The following BRD4 variants were observed in gnomAD, a reference collection of about 807,000 sequenced individuals.
The protein encoded by BRD4 is bromodomain containing 4, also known as bromodomain-containing protein 4.
In BRD4, 16 loss-of-function variants were observed where a neutral mutation model predicts 142.1. The observed-to-expected ratio is 0.11, with a 90% confidence interval of 0.08 to 0.17. BRD4 has a LOEUF of 0.17. Ranked by LOEUF, BRD4 falls within the 10% of genes least tolerant of loss-of-function variation. BRD4 has a pLI of 1.00. For synonymous variants in BRD4, 833 were observed against 707.5 expected (o/e 1.18, Z -2.82); for missense variants, 1,424 against 1,810.9 (o/e 0.79, Z 3.88).
chr19:15,283,623 A>G (rs185937024), intron 1 of BRD4, among the ~76,000 whole-genome samples: 30 of 152,314 alleles, frequency 2.0e-4, no homozygotes, highest in Admixed American at 3.3e-4. Context: ...CTTAACACAC[A>G]GTCCTGTTAT....
chr19:15,265,928 A>AGGAAGCACATGCTGACAG (rs1232724593), intron 4 of BRD4, among the ~76,000 whole-genome samples: 1 of 152,188 alleles, frequency 6.6e-6, no homozygotes, highest in Non-Finnish European at 1.5e-5. Context: ...CTCAAGGAGC[A>AGGAAGCACATGCTGACAG]GGAAGCACAT....
At chr19:15,283,648 A>G (rs2047720770) in intron 1 of BRD4, among the ~76,000 whole-genome samples, 5 of 152,230 alleles carry the variant, frequency 3.3e-5, no homozygotes, top group African/African-American at 1.2e-4. Context: ...AAGTGGAAAC[A>G]ACACTGAACT....
chr19:15,317,009 C>G (rs768584202), intron 1 of BRD4, among the ~76,000 whole-genome samples: 9 of 152,208 alleles, frequency 5.9e-5, no homozygotes, highest in Non-Finnish European at 1.3e-4. Context: ...CTACCCTGTG[C>G]TCACTACGTA....
intron 7 of BRD4, among the ~76,000 whole-genome samples, chr19:15,257,567 G>A (rs866465790): frequency 1.3e-5 from 2 of 152,122 alleles, no homozygotes; most frequent in Non-Finnish European, 2.9e-5. Flanking sequence ...TGCGTGCGGG[G>A]GAGCAGGAGT....
chr19:15,303,957 GC>G (rs2047892677), intron 1 of BRD4, among the ~76,000 whole-genome samples: 1 of 152,126 alleles, frequency 6.6e-6, no homozygotes, highest in Non-Finnish European at 1.5e-5. Flanking sequence ...TTGGAGTGAT[GC>G]CCTCTGAGCC....
Position 15,323,178 on chromosome 19 carries a change from T to TAAAAAAAAAAA in BRD4, c.-35+9101_-35+9111dup, listed in dbSNP as rs1017018376. Among the ~76,000 whole-genome samples the TAAAAAAAAAAA allele has an allele frequency of 1.4e-3, 103 of 73,064 alleles. 10 individuals are homozygous for TAAAAAAAAAAA. Among genetic ancestry groups the TAAAAAAAAAAA allele is most frequent in the African/African-American group, 3.5e-3 (57 of 16,520 alleles). The allele number at this position is 73,064 out of a possible 152,430, so 47.9% of individuals were successfully genotyped here. On this transcript the variant is annotated intron_variant, in intron 1 of 19. Transcript: ENST00000679869. ...GCAACACAGCAAGACTCCATCTCTT[T>TAAAAAAAAAAA]AAAAAAAAAAAAAAAAAAAAAAAAA...
intron 1 of BRD4, among the ~76,000 whole-genome samples, chr19:15,287,610 A>C (rs1206116891): frequency 1.3e-5 from 2 of 151,080 alleles, no homozygotes; most frequent in Non-Finnish European, 3.0e-5. Context: ...ACTAACTCCC[A>C]ATCCCTGCCT....
At chr19:15,249,196 C>A in intron 11 of BRD4, 1 of 1,608,532 alleles carries the variant, frequency 6.2e-7, no homozygotes, top group Non-Finnish European at 8.5e-7. Context: ...GTCCCTTTCA[C>A]GGAAGAAAAT....
In BRD4 at chr19:15,238,162, G is replaced by C. The variant is rs2047208821; in HGVS notation, c.*215C>G. On this transcript the variant is annotated 3_prime_UTR_variant, in exon 20 of 20. Coordinates refer to ENST00000679869, the MANE Select transcript of BRD4 (RefSeq NM_001379291.1). This position sits in a 1 kb window ranked among gnomAD's most constrained non-coding sequence, Gnocchi z 7.2. ...TGTGCTGAGCGGACGTCCTGTGAGG[G>C]GTGGTGGGTGGCGGGACGTCTGTCC... is the stretch of plus-strand genomic sequence containing the variant. 4.5e-6 allele frequency: 3 copies of C among 667,288 alleles called. No homozygotes were observed. 41.3% of individuals were successfully genotyped at this position (667,288 alleles called of 1,614,324 possible). A position where few individuals can be genotyped will look rare whatever the true frequency, so the allele number is the denominator to read the frequency against.
rs145512323 is a variant in BRD4, at chr19:15,307,025, G to A, written c.-35+25265C>T. Among the ~76,000 whole-genome samples the A allele has an allele frequency of 1.2e-4, 19 of 152,176 alleles. No homozygotes were observed. The East Asian group carries it at 3.5e-3, about 28-fold the overall frequency. On this transcript the variant is annotated intron_variant, in intron 1 of 19. Coordinates refer to ENST00000679869, the MANE Select transcript of BRD4 (RefSeq NM_001379291.1). ...AATTATCTGCAAAGCACAATAAAAC[G>A]AGGTATACCTATACATGCAACAAAC...
chr19:15,292,799 A>AAAAAAAAAAAAAAAAAAAAAAAG (rs2047793462), intron 1 of BRD4, among the ~76,000 whole-genome samples: 1 of 85,450 alleles, frequency 1.2e-5, no homozygotes, highest in Non-Finnish European at 2.4e-5. Flanking sequence ...AAAAAAAAAA[A>AAAAAAAAAAAAAAAAAAAAAAAG]AAAAAAAAAA....
intron 1 of BRD4, among the ~76,000 whole-genome samples, chr19:15,310,511 C>G (rs1456503528): frequency 2.6e-5 from 4 of 151,818 alleles, no homozygotes; most frequent in Admixed American, 2.6e-4. Flanking sequence ...CAGGTGCCCA[C>G]CACCACGCCT....
At position 15,267,554 on chromosome 19, in the gene BRD4, G is replaced by A. The variant is rs935672024; in HGVS notation, c.424-3C>T. ...ATTAAGACTATGTCATCTCCAGGCT[G>A]GATAAGGAGACACAGGGGTAGAGTC... On this transcript the variant is annotated splice_region_variant and splice_polypyrimidine_tract_variant and intron_variant, in intron 3 of 19. Transcript: ENST00000679869. The A allele has an allele frequency of 6.2e-7, 1 of 1,612,606 alleles. No homozygotes were observed. Among genetic ancestry groups the A allele is most frequent in the Non-Finnish European group, 8.5e-7 (1 of 1,179,884 alleles).
intron 1 of BRD4, among the ~76,000 whole-genome samples, chr19:15,302,787 C>T (rs530002632): frequency 2.6e-5 from 4 of 150,986 alleles, no homozygotes; most frequent in African/African-American, 9.7e-5. Flanking sequence ...GGGCGCATCA[C>T]GAGGTTAGGA....
At chr19:15,308,636 G>C (rs2047938869) in intron 1 of BRD4, among the ~76,000 whole-genome samples, 1 of 151,026 alleles carries the variant, frequency 6.6e-6, no homozygotes, top group Non-Finnish European at 1.5e-5. Context: ...TGAAGAAAGT[G>C]GCAAAAATAA....
At chr19:15,244,200 T>G (rs767446131) in intron 13 of BRD4, 31 bp downstream of exon 13, 1 of 1,540,760 alleles carries the variant, frequency 6.5e-7, no homozygotes, top group South Asian at 1.2e-5. Flanking sequence ...GGAAGGGGTC[T>G]CAACCCACAC....
chr19:15,323,582 G>C (rs2048083295), intron 1 of BRD4, among the ~76,000 whole-genome samples: 1 of 152,180 alleles, frequency 6.6e-6, no homozygotes, highest in Non-Finnish European at 1.5e-5. Context: ...AGACATGTAT[G>C]TGTTACTGCC....
At chr19:15,251,384 C>T (rs1245159062) in intron 11 of BRD4, among the ~76,000 whole-genome samples, 2 of 123,732 alleles carry the variant, frequency 1.6e-5, no homozygotes, top group African/African-American at 6.4e-5. Flanking sequence ...GTATAAGTGA[C>T]AAAAATAGGC....
chr19:15,257,044 C>G lies in BRD4; in HGVS notation c.1471G>C (p.Asp491His). ...APPSSSDSSS[D>H]SSSDSDSSTD... The stretch of plus-strand genomic sequence containing the variant: ...GAACTGTCACTGTCCGAGGAGCTAT[C>G]GCTGCTGCTGTCGCTGGATGAGGGC... Residue 491 changes from aspartate (D) to histidine (H), a missense_variant, in exon 8 of 20, where the codon GAT becomes CAT. This residue lies in a region of BRD4 where 90 missense variants were observed against 93.2 expected (regional missense o/e 0.97). Coordinates refer to ENST00000679869, the MANE Select transcript of BRD4 (RefSeq NM_001379291.1). 1.3e-6 allele frequency: 2 copies of G among 1,599,876 alleles called. No homozygotes were observed. Among genetic ancestry groups the G allele is most frequent in the Non-Finnish European group, 1.7e-6 (2 of 1,175,072 alleles).
Sources: allele counts gnomAD v4.1 joint callset (sites outside exome capture counted in the v4.1 genomes callset), GRCh38; gene constraint gnomAD v4.1.1; regional missense constraint gnomAD v4.1.1; non-coding constraint Gnocchi (gnomAD v3.1); transcripts MANE v1.5; gene names NCBI Gene and HGNC (gene_info 2026-07-23, HGNC 2026-07-21).